The following BBS9 variants were observed in gnomAD, a reference collection of about 807,000 sequenced individuals.
BBS9 encodes the protein Bardet-Biedl syndrome 9.
In BBS9, 89 loss-of-function variants were observed where a neutral mutation model predicts 117.7. The ratio of observed to expected loss-of-function variants is 0.76; its 90% CI spans 0.64 to 0.90. The LOEUF (loss-of-function observed/expected upper bound fraction) is 0.90. Ranked by LOEUF, BBS9 falls within the 40% of genes least tolerant of loss-of-function variation. BBS9 has a pLI of 0.00. For missense variants in BBS9, 982 were observed against 1,042.2 expected (o/e 0.94, Z 0.80); for synonymous variants, 379 against 370.9 (o/e 1.02, Z -0.25).
intron 9 of BBS9, among the ~76,000 whole-genome samples, chr7:33,278,169 C>T (rs774611714): frequency 3.3e-5 from 5 of 152,172 alleles, no homozygotes; most frequent in Non-Finnish European, 7.4e-5. Context: ...TTTTGCAAAG[C>T]CTGTTTCACT....
intron 9 of BBS9, among the ~76,000 whole-genome samples, chr7:33,331,788 G>A (rs1373192732): frequency 6.6e-6 from 1 of 151,862 alleles, no homozygotes; most frequent in Admixed American, 6.6e-5. Context: ...AAACACTGCT[G>A]GAAGAAACCA....
At chr7:33,279,049 A>AT (rs1420502600) in intron 9 of BBS9, among the ~76,000 whole-genome samples, 2 of 152,132 alleles carry the variant, frequency 1.3e-5, no homozygotes, top group African/African-American at 4.8e-5. Flanking sequence ...CTGTTTATTT[A>AT]TTTTTAGAGA....
At chr7:33,565,121 A>C (rs1416745705) in intron 21 of BBS9, among the ~76,000 whole-genome samples, 1 of 152,164 alleles carries the variant, frequency 6.6e-6, no homozygotes, top group Non-Finnish European at 1.5e-5. Context: ...AATATCAAAA[A>C]AGATAACATA....
chr7:33,246,661 G>A (rs1795379050), intron 5 of BBS9, among the ~76,000 whole-genome samples: 1 of 151,606 alleles, frequency 6.6e-6, no homozygotes, highest in African/African-American at 2.4e-5. Context: ...TTTTTCTTTT[G>A]GATACAGGAG....
chr7:33,537,023 T>G (rs1851550618), intron 21 of BBS9, among the ~76,000 whole-genome samples: 1 of 152,050 alleles, frequency 6.6e-6, no homozygotes, highest in South Asian at 2.1e-4. Context: ...CATAAAAGTT[T>G]TTTTTGCAGA....
rs150399299 is a variant in BBS9 at position 33,357,950 on chromosome 7, A to G, written c.1648A>G (p.Ile550Val). The G allele has an allele frequency of 3.7e-4, 600 of 1,612,642 alleles. 2 individuals are homozygous for G. In the African/African-American group the frequency reaches 6.8e-3, roughly 18 times the overall value. ...PSKTASHKIT[I>V]DTNKSPVSLL... is the part of the protein sequence containing the mutation. ...AAAAACTGCAAGCCACAAAATTACT[A>G]TTGATACCAACAAATCTCCAGTCAG... The change falls in exon 16 of 23, where the codon ATT becomes GTT. Residue 550 changes from isoleucine to valine, a missense_variant. Physicochemically the swap from Ile to Val is conservative, Grantham distance 29. Coordinates refer to ENST00000242067, the MANE Select transcript of BBS9 (RefSeq NM_198428.3).
chr7:33,182,291 T>C (rs1042001172), intron 5 of BBS9, among the ~76,000 whole-genome samples: 1 of 152,216 alleles, frequency 6.6e-6, no homozygotes, highest in Admixed American at 6.5e-5. Flanking sequence ...AACTTACTTT[T>C]GGTGAAAAAT....
chr7:33,291,635 C>T (rs899119713), intron 9 of BBS9, among the ~76,000 whole-genome samples: 1 of 152,104 alleles, frequency 6.6e-6, no homozygotes, highest in Non-Finnish European at 1.5e-5. Context: ...CATTCTTAAA[C>T]CATTTGAACC....
At chr7:33,509,964 GGCAAATAAAT>G (rs1846689315) in intron 20 of BBS9, among the ~76,000 whole-genome samples, 2 of 151,964 alleles carry the variant, frequency 1.3e-5, no homozygotes, top group African/African-American at 2.4e-5. Context: ...ACTATTTTGG[GGCAAATAAAT>G]GCTGGTATAT....
chr7:33,514,540 C>G (rs961842991), intron 20 of BBS9, among the ~76,000 whole-genome samples: 1 of 152,102 alleles, frequency 6.6e-6, no homozygotes, highest in East Asian at 1.9e-4. Flanking sequence ...GTTTCCTGTA[C>G]TTTAAAAAAG....
intron 5 of BBS9, among the ~76,000 whole-genome samples, chr7:33,206,046 G>A (rs539253259): frequency 5.9e-5 from 9 of 152,288 alleles, no homozygotes; most frequent in African/African-American, 2.2e-4. Flanking sequence ...TAATAATTGT[G>A]ATTTCATTGC....
chr7:33,502,632 C>T (rs1285220656), intron 19 of BBS9, among the ~76,000 whole-genome samples: 1 of 152,188 alleles, frequency 6.6e-6, no homozygotes, highest in Non-Finnish European at 1.5e-5. Context: ...GTTCTTTCTC[C>T]TGATGTGGGA....
chr7:33,279,169 T>C (rs1465236880), intron 9 of BBS9, among the ~76,000 whole-genome samples: 3 of 152,070 alleles, frequency 2.0e-5, no homozygotes, highest in African/African-American at 7.2e-5. Context: ...GCTACAACTA[T>C]AGGCATATGC....
At chr7:33,149,940 TG>T (rs1793036318) in intron 2 of BBS9, among the ~76,000 whole-genome samples, 1 of 152,106 alleles carries the variant, frequency 6.6e-6, no homozygotes, top group Non-Finnish European at 1.5e-5. Flanking sequence ...TGAGTAAAAG[TG>T]GGGATTTAGG....
At chr7:33,629,863 G>A (rs1316959411) in intron 21 of BBS9, among the ~76,000 whole-genome samples, 4 of 152,088 alleles carry the variant, frequency 2.6e-5, no homozygotes, top group South Asian at 2.1e-4. Flanking sequence ...AATTACACTT[G>A]CTACTGTGGT....
intron 11 of BBS9, 95 bp from the exon 12 acceptor site, chr7:33,344,486 G>A: frequency 9.1e-7 from 1 of 1,104,834 alleles, no homozygotes; most frequent in South Asian, 1.2e-5. Flanking sequence ...TTCCTATTTT[G>A]ATAGTAGGAA....
intron 19 of BBS9, among the ~76,000 whole-genome samples, chr7:33,398,277 G>T (rs1019294136): frequency 6.6e-6 from 1 of 152,170 alleles, no homozygotes; most frequent in African/African-American, 2.4e-5. Flanking sequence ...TGAGGGAGCC[G>T]TTTTCTCTTT....
chr7:33,308,367 G>GA (rs1393622753), intron 9 of BBS9, among the ~76,000 whole-genome samples: 1 of 152,128 alleles, frequency 6.6e-6, no homozygotes, highest in African/African-American at 2.4e-5. Flanking sequence ...AGCAAATTTA[G>GA]AAAAAAGTTG....
chr7:33,237,805 C>G (rs1042700224), intron 5 of BBS9, among the ~76,000 whole-genome samples: 3 of 152,138 alleles, frequency 2.0e-5, no homozygotes, highest in Admixed American at 6.6e-5. Context: ...AGGTATGCTT[C>G]TCAGTAATGG....
Sources: gnomAD v4.1 joint callset for allele counts (sites outside exome capture counted in the v4.1 genomes callset) on GRCh38, gnomAD v4.1.1 for gene constraint, MANE v1.5 for transcripts, NCBI Gene and HGNC (gene_info 2026-07-23, HGNC 2026-07-21) for gene names.